Variants in TCF12 observed in about 807,000 individuals in gnomAD.
TCF12 encodes transcription factor 12.
A neutral mutation model predicts 86.0 loss-of-function variants in TCF12; 45 were observed. The observed-to-expected ratio is 0.52, with a 90% CI of 0.41 to 0.67. The LOEUF is 0.67. Ranked by LOEUF, TCF12 falls within the 30% of genes least tolerant of loss-of-function variation. The pLI is 0.00. For synonymous variants in TCF12, 330 were observed against 299.6 expected (o/e 1.10, Z -1.05); for missense variants, 881 against 859.9 (o/e 1.02, Z -0.31).
At chr15:57,115,825 C>T (rs960728367) in intron 5 of TCF12, among the ~76,000 whole-genome samples, 18 of 146,516 alleles carry the variant, frequency 1.2e-4, no homozygotes, top group African/African-American at 4.7e-4. Context: ...GAGTTTAGCA[C>T]CCTAAGCACC....
At chr15:56,930,464 T>C (rs1321195227) in intron 3 of TCF12, among the ~76,000 whole-genome samples, 1 of 152,218 alleles carries the variant, frequency 6.6e-6, no homozygotes, top group Non-Finnish European at 1.5e-5. Context: ...AACTTTGTCA[T>C]GTGGTCCGGA....
intron 8 of TCF12, among the ~76,000 whole-genome samples, chr15:57,227,566 G>A (rs777197166): frequency 6.6e-6 from 1 of 152,136 alleles, no homozygotes; most frequent in Non-Finnish European, 1.5e-5. Context: ...TTTACGGTGA[G>A]TGTGATGAGG....
At chr15:57,125,243 A>G (rs1335716950) in intron 5 of TCF12, among the ~76,000 whole-genome samples, 3 of 152,220 alleles carry the variant, frequency 2.0e-5, no homozygotes, top group African/African-American at 7.2e-5. Context: ...GAGGCCTGAA[A>G]TGTAACTGGT....
intron 19 of TCF12, among the ~76,000 whole-genome samples, chr15:57,275,962 T>G (rs1486875316): frequency 6.6e-6 from 1 of 152,182 alleles, no homozygotes; most frequent in Non-Finnish European, 1.5e-5. Flanking sequence ...CAGTTTAAGC[T>G]TTTCCATTAT....
chr15:57,176,652 G>A (rs1487702558), intron 6 of TCF12, among the ~76,000 whole-genome samples: 2 of 152,048 alleles, frequency 1.3e-5, no homozygotes, highest in Non-Finnish European at 2.9e-5. Flanking sequence ...TTTCATAGCT[G>A]GTAAATATTA....
chr15:57,159,470 A>G (rs2054343812), intron 5 of TCF12, among the ~76,000 whole-genome samples: 1 of 152,210 alleles, frequency 6.6e-6, no homozygotes, highest in Non-Finnish European at 1.5e-5. Context: ...AAAGACACTC[A>G]AGGGGGAGGA....
intron 5 of TCF12, among the ~76,000 whole-genome samples, chr15:57,136,591 C>G (rs1392144684): frequency 6.8e-6 from 1 of 146,224 alleles, no homozygotes; most frequent in Non-Finnish European, 1.6e-5. Flanking sequence ...AATATGTGAA[C>G]TTACCCTCAA....
intron 13 of TCF12, among the ~76,000 whole-genome samples, chr15:57,246,746 C>G (rs1373316033): frequency 2.6e-5 from 4 of 152,132 alleles, no homozygotes; most frequent in African/African-American, 9.7e-5. Flanking sequence ...AGTAGCTGCA[C>G]TTTTTGCAAA....
At chr15:57,260,582 T>C (rs1322030138) in intron 16 of TCF12, among the ~76,000 whole-genome samples, 2 of 152,180 alleles carry the variant, frequency 1.3e-5, no homozygotes, top group Non-Finnish European at 2.9e-5. Context: ...CACATTATTA[T>C]AAATACAAAT....
chr15:56,999,873 C>G (rs989715392), intron 3 of TCF12, among the ~76,000 whole-genome samples: 21 of 151,570 alleles, frequency 1.4e-4, no homozygotes, highest in African/African-American at 5.1e-4. Flanking sequence ...GACTCTGTCT[C>G]AATCAAAAAG....
At chr15:56,919,164 C>G (rs1379404939) in intron 1 of TCF12, 1 of 151,740 alleles carries the variant, frequency 6.6e-6, no homozygotes, top group Non-Finnish European at 1.5e-5. Flanking sequence ...GGCCGGCGCC[C>G]AGGCTCCGGG....
intron 3 of TCF12, among the ~76,000 whole-genome samples, chr15:56,953,407 T>C (rs1466908953): frequency 6.6e-6 from 1 of 152,088 alleles, no homozygotes; most frequent in Non-Finnish European, 1.5e-5. Context: ...AACAAATTTT[T>C]CTAGAGGAGT....
chr15:57,170,717 A>AT (rs1567559037), intron 6 of TCF12, among the ~76,000 whole-genome samples: 200 of 2,594 alleles, frequency 0.077, 4 homozygotes, highest in South Asian at 0.13. Flanking sequence ...TATATAATAT[A>AT]TATATTATAT....
chr15:57,075,804 T>TCTCTCTCTCTCTCTCTCTC (rs1567370603), intron 4 of TCF12, among the ~76,000 whole-genome samples: 14 of 28,600 alleles, frequency 4.9e-4, no homozygotes, highest in Non-Finnish European at 5.1e-4. Context: ...CTTTCTTTCT[T>TCTCTCTCTCTCTCTCTCTC]TCTCTCTCTC....
chr15:57,273,638 T>C (rs1206721680), intron 19 of TCF12, among the ~76,000 whole-genome samples: 2 of 152,158 alleles, frequency 1.3e-5, no homozygotes, highest in Admixed American at 1.3e-4. Flanking sequence ...TTCTCTGTAT[T>C]CATTTTCTTG....
At chr15:57,192,076 A>G in intron 6 of TCF12, 82 bp from the exon 7 acceptor site, 1 of 1,516,054 alleles carries the variant, frequency 6.6e-7, no homozygotes, top group Non-Finnish European at 9.0e-7. Flanking sequence ...TGAAGTTGTA[A>G]ATAATTCAGA....
At chr15:56,965,872 A>G (rs185420634) in intron 3 of TCF12, among the ~76,000 whole-genome samples, 37 of 152,362 alleles carry the variant, frequency 2.4e-4, no homozygotes, top group African/African-American at 8.7e-4. Context: ...CTCTGATAGC[A>G]TAAGTTATAT....
chr15:57,273,218 A>C lies in TCF12; in HGVS notation c.1934A>C (p.His645Pro). 6.2e-7 allele frequency: 1 copy of C among 1,614,202 alleles called. No homozygotes were observed. Among genetic ancestry groups the C allele is most frequent in the Non-Finnish European group, 8.5e-7 (1 of 1,180,032 alleles). The part of the protein sequence containing the change: ...EKPQTKLLIL[H>P]QAVAVILSLE... The stretch of plus-strand genomic sequence containing the variant: ...CCCCAAACAAAACTCCTTATTCTTC[A>C]TCAAGCCGTGGCAGTCATCCTTAGT... The change falls in exon 19 of 21, where the codon CAT becomes CCT. Residue 645 changes from histidine (H) to proline (P), a missense_variant. His to Pro is a moderately conservative substitution (Grantham distance 77). This residue lies in a region of TCF12 where 46 missense variants were observed against 76.7 expected (regional missense o/e 0.60). Coordinates refer to ENST00000333725, the MANE Select transcript of TCF12 (RefSeq NM_207037.2).
intron 3 of TCF12, among the ~76,000 whole-genome samples, chr15:57,000,988 T>C (rs962746632): frequency 2.5e-4 from 37 of 150,618 alleles, no homozygotes; most frequent in African/African-American, 8.5e-4. Flanking sequence ...CTTTTATTTT[T>C]AAATTTTTAA....
Sources: allele counts gnomAD v4.1 joint callset (sites outside exome capture counted in the v4.1 genomes callset), GRCh38; gene constraint gnomAD v4.1.1; regional missense constraint gnomAD v4.1.1; transcripts MANE v1.5; gene names NCBI Gene and HGNC (gene_info 2026-07-23, HGNC 2026-07-21).